RORA: variants seen among roughly 807,000 people sequenced by gnomAD.
RORA encodes the protein RAR related orphan receptor A.
Under a neutral mutation model 69.5 loss-of-function variants are expected in RORA, and 7 were observed. The ratio of observed to expected loss-of-function variants is 0.10; its 90% CI spans 0.06 to 0.19. RORA has a LOEUF of 0.19. RORA is among the 10% of genes least tolerant of loss of function. The pLI is 1.00. For missense variants in RORA, 457 were observed against 663.0 expected, an observed-to-expected ratio of 0.69 and a Z score of 3.41; for synonymous variants, 261 against 240.8, an observed-to-expected ratio of 1.08 and a Z score of -0.78.
intron 2 of RORA, among the ~76,000 whole-genome samples, chr15:60,561,216 G>C (rs1054341354): frequency 3.3e-5 from 5 of 151,620 alleles, no homozygotes; most frequent in Admixed American, 2.6e-4. Flanking sequence ...CGAGTAGCTG[G>C]GACTACAGGC....
At chr15:60,784,425 C>G (rs1263961733) in intron 1 of RORA, among the ~76,000 whole-genome samples, 1 of 152,192 alleles carries the variant, frequency 6.6e-6, no homozygotes, top group Admixed American at 6.5e-5. Context: ...GCAAAAAGTT[C>G]TGGTCCTGCT....
intron 1 of RORA, among the ~76,000 whole-genome samples, chr15:61,190,496 C>T (rs2079787497): frequency 6.6e-6 from 1 of 152,158 alleles, no homozygotes. Context: ...GTGGGTGGCT[C>T]AGGCCAATAA....
rs1167936148 is a variant in RORA at position 60,516,237 on chromosome 15, A to T, written c.283-1480T>A. ...TATATATATATTTATATATATATTT[A>T]TATATATATATTTATATATATATAT... On this transcript the variant is annotated intron_variant, in intron 3 of 10. Transcript: ENST00000335670. Among the ~76,000 whole-genome samples the T allele has an allele frequency of 4.3e-4, 18 of 42,276 alleles. 1 individual carries two copies. Among genetic ancestry groups the T allele is most frequent in the African/African-American group, 1.3e-3 (7 of 5,448 alleles). The allele number at this position is 42,276 out of a possible 152,430, so 27.7% of individuals were successfully genotyped here.
chr15:61,227,863 G>A (rs903198923), intron 1 of RORA, among the ~76,000 whole-genome samples: 1 of 152,220 alleles, frequency 6.6e-6, no homozygotes, highest in Admixed American at 6.5e-5. Context: ...AGTAATTAAA[G>A]CTGTAGCTTC....
At position 61,128,104 on chromosome 15, in the gene RORA, A is replaced by C. The variant is rs1413477760; in HGVS notation, c.166+100949T>G. On this transcript the variant is annotated intron_variant, in intron 1 of 10. Coordinates refer to ENST00000335670, the MANE Select transcript of RORA (RefSeq NM_134261.3). The surrounding 1 kb of genome is among the most constrained non-coding windows in gnomAD (Gnocchi z 4.5). ...GGAAAATGCTTTTGGTTTCACACTG[A>C]AACATAATTTCAAGAGTCAGCTTAT... 2.0e-5 allele frequency among the ~76,000 whole-genome samples: 3 copies of C among 152,220 alleles called. No individual in the cohort carries two copies. Among genetic ancestry groups the C allele is most frequent in the African/African-American group, 7.2e-5 (3 of 41,460 alleles).
At chr15:61,205,391 T>C (rs982583316) in intron 1 of RORA, among the ~76,000 whole-genome samples, 2 of 152,212 alleles carry the variant, frequency 1.3e-5, no homozygotes, top group African/African-American at 4.8e-5. Context: ...GTATTCACAG[T>C]ACACAGCACA....
At chr15:60,568,451 A>G (rs2067778921) in intron 2 of RORA, among the ~76,000 whole-genome samples, 1 of 152,180 alleles carries the variant, frequency 6.6e-6, no homozygotes, top group South Asian at 2.1e-4. Flanking sequence ...AATTTGCATG[A>G]TCTATTCTCA....
At chr15:61,122,441 G>A (rs1001489854) in intron 1 of RORA, among the ~76,000 whole-genome samples, 8 of 152,144 alleles carry the variant, frequency 5.3e-5, no homozygotes, top group African/African-American at 1.7e-4. Context: ...TTTTAAAAAT[G>A]AGGAAAAGAA....
intron 1 of RORA, among the ~76,000 whole-genome samples, chr15:61,118,852 C>T (rs570080815): frequency 4.9e-4 from 75 of 152,068 alleles, no homozygotes; most frequent in Admixed American, 1.2e-3. Context: ...TTCTTCATTT[C>T]TTTTCCAAGG....
intron 1 of RORA, among the ~76,000 whole-genome samples, chr15:61,063,033 T>TG (rs2078208670): frequency 6.6e-6 from 1 of 151,826 alleles, no homozygotes; most frequent in South Asian, 2.1e-4. Flanking sequence ...GCATGAAGAG[T>TG]GGGAACTCAC....
At chr15:60,951,033 T>G (rs1308777460) in intron 1 of RORA, among the ~76,000 whole-genome samples, 1 of 150,874 alleles carries the variant, frequency 6.6e-6, no homozygotes, top group Non-Finnish European at 1.5e-5. Context: ...GACCACACAC[T>G]TGGAAGTAAA....
At chr15:60,902,020 G>A (rs547155628) in intron 1 of RORA, among the ~76,000 whole-genome samples, 11 of 152,282 alleles carry the variant, frequency 7.2e-5, no homozygotes, top group Admixed American at 3.9e-4. Context: ...TTGGGAACCC[G>A]GAGGCTAATT....
At chr15:60,695,685 T>C (rs879422032) in intron 1 of RORA, among the ~76,000 whole-genome samples, 7 of 152,066 alleles carry the variant, frequency 4.6e-5, no homozygotes, top group South Asian at 2.1e-4. Context: ...ACCAGGCACT[T>C]TTCAGCCAGC....
At chr15:61,171,233 G>A (rs1015650654) in intron 1 of RORA, among the ~76,000 whole-genome samples, 5 of 152,074 alleles carry the variant, frequency 3.3e-5, no homozygotes, top group Non-Finnish European at 5.9e-5. Context: ...GTCCTCCACA[G>A]CCCTACACCC....
chr15:61,146,458 AT>A (rs2079350075), intron 1 of RORA, among the ~76,000 whole-genome samples: 1 of 79,132 alleles, frequency 1.3e-5, no homozygotes, highest in Non-Finnish European at 3.5e-5. Context: ...ACACATACAC[AT>A]ACACACACAC....
chr15:60,843,074 C>T (rs1407115806), intron 1 of RORA, among the ~76,000 whole-genome samples: 1 of 152,186 alleles, frequency 6.6e-6, no homozygotes, highest in East Asian at 1.9e-4. Flanking sequence ...TGTCCAAACC[C>T]AAGATCTACT....
chr15:60,523,871 C>G (rs371613859), intron 3 of RORA, among the ~76,000 whole-genome samples: 2 of 152,148 alleles, frequency 1.3e-5, no homozygotes, highest in African/African-American at 2.4e-5. Context: ...GACAGGGTCT[C>G]GCTTTGTTGC....
Position 60,864,819 on chromosome 15 carries a change from G to T in RORA, c.167-186133C>A, listed in dbSNP as rs561499641. The stretch of plus-strand genomic sequence containing the variant: ...TCTCAGTGCCAGGCCTTTGTGCTAT[G>T]TGCTTTATTTACTCACTTAGTAATT... On this transcript the variant is annotated intron_variant, in intron 1 of 10. Transcript: ENST00000335670. 3.3e-5 allele frequency among the ~76,000 whole-genome samples: 5 copies of T among 152,310 alleles called. No homozygotes were observed. In the South Asian group the frequency reaches 1.0e-3, roughly 32 times the overall value.
At chr15:61,066,762 A>G (rs1335612476) in intron 1 of RORA, among the ~76,000 whole-genome samples, 2 of 151,878 alleles carry the variant, frequency 1.3e-5, no homozygotes, top group Non-Finnish European at 1.5e-5. Context: ...TACCCTTTCA[A>G]GAAGTTCCAG....
Sources: allele counts gnomAD v4.1 joint callset (sites outside exome capture counted in the v4.1 genomes callset), GRCh38; gene constraint gnomAD v4.1.1; non-coding constraint Gnocchi (gnomAD v3.1); transcripts MANE v1.5; gene names NCBI Gene and HGNC (gene_info 2026-07-23, HGNC 2026-07-21).